The following PTPRT variants were observed in gnomAD, a reference collection of about 807,000 sequenced individuals.
PTPRT encodes the protein protein tyrosine phosphatase receptor type T.
A neutral mutation model predicts 176.8 loss-of-function variants in PTPRT; 56 were observed. The observed-to-expected ratio is 0.32, with a 90% confidence interval of 0.26 to 0.40. PTPRT has a LOEUF of 0.40. PTPRT is among the 10% of genes least tolerant of loss of function. The pLI is 1.00. For synonymous variants in PTPRT, 783 were observed against 739.0 expected (o/e 1.06, Z -0.96); for missense variants, 1,540 against 1,908.2 (o/e 0.81, Z 3.60).
intron 1 of PTPRT, among the ~76,000 whole-genome samples, chr20:43,159,125 A>G (rs2014612231): frequency 6.6e-6 from 1 of 152,218 alleles, no homozygotes; most frequent in Non-Finnish European, 1.5e-5. Context: ...CAAGCCAGTT[A>G]TCGCTGTCAG....
At chr20:42,494,924 A>G (rs567304156) in intron 7 of PTPRT, among the ~76,000 whole-genome samples, 1 of 152,182 alleles carries the variant, frequency 6.6e-6, no homozygotes, top group African/African-American at 2.4e-5. Context: ...TTAGCATCAC[A>G]TCTTTCTAGA....
rs191459879 is a variant in PTPRT at position 43,160,509 on chromosome 20, T to C, written c.88+29137A>G. On this transcript the variant is annotated intron_variant, in intron 1 of 30. Coordinates refer to ENST00000373187, the MANE Select transcript of PTPRT (RefSeq NM_007050.6). ...TCTCACATATGGCATCTTGTTGATTTTTCTTGGCAGCCCCAACACAAACAT... is the reference window on the plus strand; with the variant it reads ...TCTCACATATGGCATCTTGTTGATTCTTCTTGGCAGCCCCAACACAAACAT... Among the ~76,000 whole-genome samples the C allele has an allele frequency of 3.9e-3, 587 of 152,232 alleles. 3 individuals carry two copies. The highest frequency in any genetic ancestry group is 6.6e-3 in the Non-Finnish European group (449 of 68,024).
chr20:43,184,009 T>C (rs2015328952), intron 1 of PTPRT, among the ~76,000 whole-genome samples: 1 of 152,224 alleles, frequency 6.6e-6, no homozygotes, highest in Admixed American at 6.5e-5. Flanking sequence ...TTCTGTTGGG[T>C]AGATTCCTAG....
At chr20:42,100,486 C>A (rs561513056) in intron 26 of PTPRT, among the ~76,000 whole-genome samples, 1 of 152,312 alleles carries the variant, frequency 6.6e-6, no homozygotes, top group African/African-American at 2.4e-5. Context: ...AGTGATGGCT[C>A]ACAGGAGAAA....
intron 1 of PTPRT, among the ~76,000 whole-genome samples, chr20:43,024,859 C>T (rs1371823988): frequency 1.3e-5 from 2 of 152,198 alleles, no homozygotes; most frequent in Admixed American, 6.5e-5. Context: ...GCTTCCATGC[C>T]CAGCCCACCC....
At chr20:42,194,987 C>T (rs1309874209) in intron 16 of PTPRT, among the ~76,000 whole-genome samples, 3 of 152,202 alleles carry the variant, frequency 2.0e-5, no homozygotes, top group South Asian at 4.2e-4. Flanking sequence ...AGGGAAACAT[C>T]ACACACCGGG....
At chr20:42,820,410 G>T (rs1328271803) in intron 2 of PTPRT, among the ~76,000 whole-genome samples, 1 of 152,030 alleles carries the variant, frequency 6.6e-6, no homozygotes, top group Non-Finnish European at 1.5e-5. Flanking sequence ...CTGGGACACA[G>T]CTAAAGCAGT....
intron 1 of PTPRT, among the ~76,000 whole-genome samples, chr20:42,984,989 C>T (rs1181779074): frequency 6.6e-6 from 1 of 152,154 alleles, no homozygotes; most frequent in Non-Finnish European, 1.5e-5. Context: ...TGGGGTAAGA[C>T]AGCAGGCAAT....
At chr20:42,151,106 T>A (rs529357804) in intron 17 of PTPRT, among the ~76,000 whole-genome samples, 1 of 150,572 alleles carries the variant, frequency 6.6e-6, no homozygotes, top group Non-Finnish European at 1.5e-5. Flanking sequence ...TCTTGCCATC[T>A]TCAGTCAAAA....
chr20:42,199,355 A>T lies in PTPRT; in HGVS notation c.2376T>A (p.Ser792Arg). ...CAGGCCCCATCTCCCTCTGGGCTCC[A>T]CTCTGGGTCTCCTTCTGCTTCTTGG... is the stretch of plus-strand genomic sequence containing the variant. ...KLAKKQKETQSGAQREMGPVA... is the reference protein window; with the variant it reads ...KLAKKQKETQRGAQREMGPVA... Residue 792 changes from serine to arginine, a missense_variant, in exon 16 of 31, where the codon AGT (serine) becomes AGA (arginine). Transcript: ENST00000373187. 6.2e-7 allele frequency: 1 copy of T among 1,613,916 alleles called. No homozygotes were observed. The highest frequency in any genetic ancestry group is 8.5e-7 in the Non-Finnish European group (1 of 1,179,924).
chr20:42,185,820 G>A (rs1990756226), intron 16 of PTPRT, among the ~76,000 whole-genome samples: 1 of 152,102 alleles, frequency 6.6e-6, no homozygotes, highest in Admixed American at 6.5e-5. Context: ...CACATGTTGA[G>A]GATACAGTAA....
At chr20:42,108,489 T>G (rs1411468823) in intron 23 of PTPRT, among the ~76,000 whole-genome samples, 1 of 152,198 alleles carries the variant, frequency 6.6e-6, no homozygotes, top group Non-Finnish European at 1.5e-5. Context: ...GCACAATATG[T>G]ATAAATTGGA....
intron 15 of PTPRT, among the ~76,000 whole-genome samples, chr20:42,222,865 C>A (rs149428532): frequency 6.8e-4 from 103 of 152,316 alleles, no homozygotes; most frequent in African/African-American, 2.4e-3. Context: ...AACTTGAAGC[C>A]TGTTGGACAG....
At chr20:42,197,154 C>T (rs995054039) in intron 16 of PTPRT, among the ~76,000 whole-genome samples, 11 of 151,728 alleles carry the variant, frequency 7.2e-5, no homozygotes, top group Admixed American at 3.9e-4. Context: ...CCGAGGCGGG[C>T]GGATTACGAG....
intron 16 of PTPRT, among the ~76,000 whole-genome samples, chr20:42,189,889 C>A (rs1322664756): frequency 6.6e-6 from 1 of 152,062 alleles, no homozygotes; most frequent in Non-Finnish European, 1.5e-5. Context: ...GTCTAATATT[C>A]TTCTCTAAAA....
At chr20:42,724,186 T>C (rs188028883) in intron 6 of PTPRT, among the ~76,000 whole-genome samples, 17 of 152,360 alleles carry the variant, frequency 1.1e-4, no homozygotes, top group African/African-American at 4.1e-4. Context: ...TTTAATCTAA[T>C]CAGCTAAGTG....
intron 1 of PTPRT, among the ~76,000 whole-genome samples, chr20:42,985,240 T>C (rs1187263912): frequency 2.0e-5 from 3 of 152,146 alleles, no homozygotes; most frequent in Non-Finnish European, 2.9e-5. Context: ...CTCACACCTG[T>C]AATCCCAGCG....
At chr20:43,008,998 C>A (rs115521631) in intron 1 of PTPRT, among the ~76,000 whole-genome samples, 1 of 152,110 alleles carries the variant, frequency 6.6e-6, no homozygotes, top group Admixed American at 6.5e-5. Flanking sequence ...TGGAAACATT[C>A]GGAAGGCTTC....
At chr20:42,560,136 G>A (rs1258600786) in intron 7 of PTPRT, among the ~76,000 whole-genome samples, 2 of 152,222 alleles carry the variant, frequency 1.3e-5, no homozygotes, top group African/African-American at 2.4e-5. Context: ...ACTCTGGGTT[G>A]AGTCTGGTTC....
Sources: allele counts gnomAD v4.1 joint callset (sites outside exome capture counted in the v4.1 genomes callset), GRCh38; gene constraint gnomAD v4.1.1; transcripts MANE v1.5; gene names NCBI Gene and HGNC (gene_info 2026-07-23, HGNC 2026-07-21).